The following RANBP9 variants were observed in gnomAD, a reference collection of about 807,000 sequenced individuals.
The protein encoded by RANBP9 is RAN binding protein 9.
A neutral mutation model predicts 84.3 loss-of-function variants in RANBP9; 15 were observed. The ratio of observed to expected loss-of-function variants is 0.18; its 90% CI spans 0.12 to 0.27. The LOEUF (loss-of-function observed/expected upper bound fraction) is 0.27, where lower values mean the gene tolerates loss of function less well. Among genes scored for constraint, RANBP9 ranks in the 10% least tolerant of loss-of-function variants. RANBP9 has a pLI of 1.00. For synonymous variants in RANBP9, 392 were observed against 349.6 expected, an observed-to-expected ratio of 1.12 and a Z score of -1.35; for missense variants, 809 against 912.8, an observed-to-expected ratio of 0.89 and a Z score of 1.46.
chr6:13,705,321 T>C (rs951129920), intron 1 of RANBP9, among the ~76,000 whole-genome samples: 5 of 140,590 alleles, frequency 3.6e-5, no homozygotes, highest in Non-Finnish European at 7.5e-5. Context: ...GGAAAGTCAC[T>C]TGAATCCAGG....
intron 2 of RANBP9, among the ~76,000 whole-genome samples, chr6:13,662,374 G>A (rs932206197): frequency 1.2e-4 from 19 of 152,170 alleles, no homozygotes; most frequent in Non-Finnish European, 2.5e-4. Flanking sequence ...TGCACAAGAT[G>A]TAGGGAGAAA....
intron 11 of RANBP9, 53 bp downstream of exon 11, chr6:13,634,373 AAACAT>A: frequency 6.4e-7 from 1 of 1,573,664 alleles, no homozygotes; most frequent in African/African-American, 1.4e-5. Context: ...GTACAAGTAA[AAACAT>A]AACCTTGTAG....
At chr6:13,693,669 T>C (rs568757910) in intron 2 of RANBP9, among the ~76,000 whole-genome samples, 347 of 152,236 alleles carry the variant, frequency 2.3e-3, no homozygotes, top group African/African-American at 7.9e-3. Context: ...AACAAGCACA[T>C]GAAACACAAG....
chr6:13,643,372 G>A (rs10484251), intron 6 of RANBP9, among the ~76,000 whole-genome samples: 35,624 of 152,074 alleles, frequency 0.23, 4,583 homozygotes, highest in Admixed American at 0.29. Context: ...TCTCCAAACA[G>A]TCAATTTTTA....
rs571968233 is a variant in RANBP9, at chr6:13,680,436, T to C, written c.683+16349A>G. Among the ~76,000 whole-genome samples the C allele has an allele frequency of 2.8e-4, 43 of 152,110 alleles. No homozygotes were observed. In the South Asian group the frequency reaches 7.7e-3, roughly 27 times the overall value. ...TGTCTGAAGACTTTGAAAATGTCCA[T>C]GGAGCTCATAAAAAAACATGGCTGG... is the stretch of plus-strand genomic sequence containing the variant. On this transcript the variant is annotated intron_variant, in intron 2 of 13. Coordinates refer to ENST00000011619, the MANE Select transcript of RANBP9 (RefSeq NM_005493.3).
rs1161283296 is a variant in RANBP9, at chr6:13,625,722, G to C, written c.1990C>G (p.Pro664Ala). 6.2e-7 allele frequency: 1 copy of C among 1,612,906 alleles called. No homozygotes were observed. The highest frequency in any genetic ancestry group is 2.2e-5 in the East Asian group (1 of 44,866). ...LLAYSDPWNS[P>A]VGNQLDPIQR... ...ATCGGGTCAAGCTGATTTCCAACTGGGCTGTTCCAGGGATCTGAATATGCT... is the reference window on the plus strand; with the variant it reads ...ATCGGGTCAAGCTGATTTCCAACTGCGCTGTTCCAGGGATCTGAATATGCT... Residue 664 changes from proline to alanine, a missense_variant, in exon 13 of 14, where the codon CCA becomes GCA. Pro to Ala is a conservative substitution (Grantham distance 27, BLOSUM62 -1). Transcript: ENST00000011619.
intron 2 of RANBP9, among the ~76,000 whole-genome samples, chr6:13,673,788 C>G (rs1302938034): frequency 1.3e-5 from 2 of 152,030 alleles, no homozygotes; most frequent in Non-Finnish European, 2.9e-5. Context: ...ATACAATGCT[C>G]AATTAAAATC....
At chr6:13,665,433 C>A (rs1003389472) in intron 2 of RANBP9, among the ~76,000 whole-genome samples, 1 of 152,118 alleles carries the variant, frequency 6.6e-6, no homozygotes, top group Non-Finnish European at 1.5e-5. Flanking sequence ...TAAAACCACA[C>A]TGAGATACAA....
At chr6:13,704,746 A>C (rs186356011) in intron 1 of RANBP9, among the ~76,000 whole-genome samples, 6 of 152,102 alleles carry the variant, frequency 3.9e-5, no homozygotes, top group African/African-American at 9.6e-5. Flanking sequence ...GTAATTCTCT[A>C]TGTTTTTGCT....
intron 2 of RANBP9, among the ~76,000 whole-genome samples, chr6:13,683,304 A>G (rs1311325942): frequency 6.6e-6 from 1 of 152,228 alleles, no homozygotes; most frequent in Non-Finnish European, 1.5e-5. Flanking sequence ...TATCTGAGAT[A>G]AACATAAATA....
In RANBP9 at chr6:13,653,444, A is replaced by T. The variant is rs111306327; in HGVS notation, c.905-763T>A. On this transcript the variant is annotated intron_variant, in intron 4 of 13. Coordinates refer to ENST00000011619, the MANE Select transcript of RANBP9 (RefSeq NM_005493.3). ...AAAATAATAAAGTATTTCTGTAGATATATTTTTAAAGATTTAGCTCTAGAA... is the reference window on the plus strand; with the variant it reads ...AAAATAATAAAGTATTTCTGTAGATTTATTTTTAAAGATTTAGCTCTAGAA... Among the ~76,000 whole-genome samples, 1,034 of 152,300 alleles carry T rather than the reference A, an allele frequency of 6.8e-3. 9 individuals are homozygous for T. Among genetic ancestry groups the T allele is most frequent in the African/African-American group, 0.019 (771 of 41,576 alleles).
intron 2 of RANBP9, among the ~76,000 whole-genome samples, chr6:13,692,550 A>AC (rs1309187440): frequency 1.4e-5 from 2 of 145,546 alleles, no homozygotes; most frequent in South Asian, 2.2e-4. Flanking sequence ...AAAAAAAAAA[A>AC]AAAACACAAA....
intron 1 of RANBP9, among the ~76,000 whole-genome samples, chr6:13,708,258 CA>C (rs545905979): frequency 2.6e-4 from 38 of 146,204 alleles, no homozygotes; most frequent in Non-Finnish European, 3.6e-4. Context: ...CCCATCTCCA[CA>C]AAAAAAAAAA....
At chr6:13,649,386 C>T (rs1472927761) in intron 5 of RANBP9, among the ~76,000 whole-genome samples, 1 of 151,266 alleles carries the variant, frequency 6.6e-6, no homozygotes, top group East Asian at 1.9e-4. Context: ...AAATGATCTC[C>T]GCTATCTATG....
intron 7 of RANBP9, 121 bp downstream of exon 7, chr6:13,642,358 A>T: frequency 2.6e-6 from 1 of 382,014 alleles, no homozygotes; most frequent in South Asian, 8.1e-5. Context: ...ATTCAGAGGC[A>T]TCCATTTTAA....
intron 5 of RANBP9, among the ~76,000 whole-genome samples, chr6:13,648,336 C>T (rs902660655): frequency 9.2e-5 from 14 of 151,634 alleles, no homozygotes; most frequent in African/African-American, 1.5e-4. Flanking sequence ...TTAGTAGAGA[C>T]GGGGTTTCAC....
chr6:13,638,262 T>G (rs755952981), intron 9 of RANBP9, among the ~76,000 whole-genome samples: 6 of 152,134 alleles, frequency 3.9e-5, no homozygotes, highest in Non-Finnish European at 5.9e-5. Context: ...TCAGAATTTA[T>G]CCAAGCCTGA....
rs567645781 is a variant in RANBP9 at position 13,658,248 on chromosome 6, T to C, written c.736+532A>G. Among the ~76,000 whole-genome samples the C allele has an allele frequency of 1.0e-3, 151 of 151,536 alleles. 1 individual carries two copies. The Middle Eastern group carries it at 0.014, about 14-fold the overall frequency. On this transcript the variant is annotated intron_variant, in intron 3 of 13. Transcript: ENST00000011619. Reference sequence around the variant, plus strand: ...GTACTAAAACTTAAAAATATAAAAATACAAAAAAAAGCATGATATATATAC... The same window carrying C: ...GTACTAAAACTTAAAAATATAAAAACACAAAAAAAAGCATGATATATATAC...
chr6:13,697,607 A>G (rs1354100459), intron 1 of RANBP9, among the ~76,000 whole-genome samples: 1 of 152,200 alleles, frequency 6.6e-6, no homozygotes, highest in Non-Finnish European at 1.5e-5. Flanking sequence ...CTATTCCTCA[A>G]TTCTAATCCC....
Sources: gnomAD v4.1 joint callset for allele counts (sites outside exome capture counted in the v4.1 genomes callset) on GRCh38, gnomAD v4.1.1 for gene constraint, MANE v1.5 for transcripts, NCBI Gene and HGNC (gene_info 2026-07-23, HGNC 2026-07-21) for gene names.